The following DEFB109B variants were observed in gnomAD, a reference collection of about 807,000 sequenced individuals.
The protein encoded by DEFB109B is defensin beta 109B.
At chr8:7,313,427 C>A (rs1474920985) in intron 1 of DEFB109B, among the ~76,000 whole-genome samples, 1 of 135,386 alleles carries the variant, frequency 7.4e-6, no homozygotes. Flanking sequence ...AACTATAATC[C>A]TAGAATAAAT....
intron 1 of DEFB109B, among the ~76,000 whole-genome samples, chr8:7,315,351 T>A (rs1356916635): frequency 2.2e-5 from 3 of 137,714 alleles, no homozygotes; most frequent in African/African-American, 3.6e-5. Flanking sequence ...TACAAAAAAT[T>A]AGCCGGGTGC....
chr8:7,316,811 A>G (rs1437497120), intron 1 of DEFB109B, among the ~76,000 whole-genome samples: 1 of 100,534 alleles, frequency 9.9e-6, no homozygotes, highest in Admixed American at 8.6e-5. Context: ...ATATATATAT[A>G]CATTTTTTTT....
intron 1 of DEFB109B, among the ~76,000 whole-genome samples, chr8:7,315,381 C>T (rs1238455137): frequency 2.2e-5 from 3 of 137,102 alleles, no homozygotes; most frequent in Non-Finnish European, 4.4e-5. Flanking sequence ...TGCCTTTAGT[C>T]CCAGCTACTC....
At chr8:7,311,889 C>G (rs1289768056), upstream of DEFB109B, among the ~76,000 whole-genome samples, 1 of 91,200 alleles carries the variant, frequency 1.1e-5, no homozygotes, top group Non-Finnish European at 1.9e-5. Context: ...CCTAGTGTAA[C>G]TTGAATTCTT....
chr8:7,319,014 C>G (rs1803124353), intron 1 of DEFB109B: 1 of 144,734 alleles, frequency 6.9e-6, no homozygotes, highest in South Asian at 2.1e-4. Flanking sequence ...GTAATTTCTA[C>G]TTATGTTTAA....
chr8:7,313,846 C>G (rs1372152937), intron 1 of DEFB109B, among the ~76,000 whole-genome samples: 2 of 125,798 alleles, frequency 1.6e-5, no homozygotes, highest in Non-Finnish European at 3.1e-5. Flanking sequence ...CAACACTGAA[C>G]AAGAGAAAAT....
intron 1 of DEFB109B, chr8:7,318,774 T>C (rs1803104533): frequency 6.9e-6 from 1 of 144,804 alleles, no homozygotes; most frequent in Non-Finnish European, 1.5e-5. Flanking sequence ...GCTTTACCAT[T>C]AGAGAGATCT....
At chr8:7,315,496 C>CAAA (rs140776655) in intron 1 of DEFB109B, among the ~76,000 whole-genome samples, 1,232 of 93,842 alleles carry the variant, frequency 0.013, 22 homozygotes, top group Non-Finnish European at 0.018. Flanking sequence ...GAGACTCCGT[C>CAAA]AAAAAAAAAA....
intron 1 of DEFB109B, among the ~76,000 whole-genome samples, chr8:7,316,739 G>C (rs1462748408): frequency 7.0e-6 from 1 of 143,054 alleles, no homozygotes; most frequent in African/African-American, 3.0e-5. Context: ...TGATTCTCCT[G>C]CCTCAGCCTC....
At chr8:7,310,686 A>T (rs1328704778), upstream of DEFB109B, among the ~76,000 whole-genome samples, 1 of 146,952 alleles carries the variant, frequency 6.8e-6, no homozygotes, top group African/African-American at 2.7e-5. Context: ...CTGAAACTAT[A>T]CTCTTAGGGA....
intron 1 of DEFB109B, among the ~76,000 whole-genome samples, chr8:7,316,808 T>TATATAC (rs1165241417): frequency 7.7e-6 from 1 of 129,646 alleles, no homozygotes; most frequent in African/African-American, 4.1e-5. Flanking sequence ...TATATATATA[T>TATATAC]ATACATTTTT....
chr8:7,316,895 C>A (rs1486962423), intron 1 of DEFB109B, among the ~76,000 whole-genome samples: 1 of 127,508 alleles, frequency 7.8e-6, no homozygotes, highest in Non-Finnish European at 1.5e-5. Context: ...CCCGCCTCGG[C>A]CTCCCAAAGT....
Position 7,319,895 on chromosome 8 carries a change from C to T in DEFB109B, n.208C>T, listed in dbSNP as rs71509288. ...AGCATGGTGGATTTTAATGCCAATT[C>T]CAACACCACTTATCATGTCAGATTA... On this transcript the variant is annotated non_coding_transcript_exon_variant, in exon 2 of 2. Coordinates refer to ENST00000382656, the Ensembl canonical transcript of DEFB109B. 4.0e-5 allele frequency: 3 copies of T among 74,274 alleles called. No homozygotes were observed. In the Admixed American group the frequency reaches 4.8e-4, roughly 12 times the overall value. The allele number at this position is 74,274 out of a possible 1,614,324, so 4.6% of individuals were successfully genotyped here.
chr8:7,319,307 T>C (rs1452176349), intron 1 of DEFB109B: 1 of 142,594 alleles, frequency 7.0e-6, no homozygotes, highest in Non-Finnish European at 1.5e-5. Context: ...AAAAAACAGC[T>C]GCTGAAATCA....
upstream of DEFB109B, among the ~76,000 whole-genome samples, chr8:7,311,908 G>A (rs1225244087): frequency 9.5e-6 from 1 of 105,818 alleles, no homozygotes; most frequent in Admixed American, 9.0e-5. Context: ...TTACAAATAA[G>A]CAATGGTACA....
At chr8:7,318,596 A>G (rs1803090091) in intron 1 of DEFB109B, 1 of 130,328 alleles carries the variant, frequency 7.7e-6, no homozygotes, top group South Asian at 2.2e-4. Flanking sequence ...TTAAATAAAC[A>G]TTAAATTACT....
chr8:7,318,890 T>C (rs1345713768), intron 1 of DEFB109B: 7 of 146,180 alleles, frequency 4.8e-5, no homozygotes, highest in South Asian at 2.1e-4. Context: ...TAGACACAAA[T>C]TGAAAGAATC....
chr8:7,315,253 C>G (rs1030868284), intron 1 of DEFB109B, among the ~76,000 whole-genome samples: 2 of 122,100 alleles, frequency 1.6e-5, no homozygotes, highest in Non-Finnish European at 3.1e-5. Flanking sequence ...CGCGGTGGCT[C>G]ACGCCTGTAA....
intron 1 of DEFB109B, chr8:7,318,876 C>G (rs1267465464): frequency 6.9e-6 from 1 of 145,788 alleles, no homozygotes; most frequent in Non-Finnish European, 1.5e-5. Context: ...GTATTTTCCA[C>G]TTTTAGACAC....
Sources: gnomAD v4.1 joint callset for allele counts (sites outside exome capture counted in the v4.1 genomes callset) on GRCh38, gnomAD v4.1.1 for gene constraint, MANE v1.5 for transcripts, NCBI Gene and HGNC (gene_info 2026-07-23, HGNC 2026-07-21) for gene names.